NECTIN4: variants seen among roughly 807,000 people sequenced by gnomAD.
The protein encoded by NECTIN4 is nectin-4.
NECTIN4 carries 19 observed loss-of-function variants against 51.7 expected under a neutral mutation model. That is an observed-to-expected ratio of 0.37 (90% CI 0.26 to 0.54). NECTIN4 has a LOEUF of 0.54. Ranked by LOEUF, NECTIN4 falls within the 20% of genes least tolerant of loss-of-function variation. The probability of loss-of-function intolerance (pLI) is 0.86; values close to 1 mark genes in which losing one functional copy is unlikely to be tolerated. For missense variants in NECTIN4, 619 were observed against 662.4 expected, an observed-to-expected ratio of 0.93 and a Z score of 0.72; for synonymous variants, 283 against 286.9, an observed-to-expected ratio of 0.99 and a Z score of 0.14.
chr1:161,072,308 C>G lies in NECTIN4; in HGVS notation c.*353G>C. On this transcript the variant is annotated 3_prime_UTR_variant, in exon 9 of 9. Coordinates refer to ENST00000368012, the MANE Select transcript of NECTIN4 (RefSeq NM_030916.3). The stretch of plus-strand genomic sequence containing the variant: ...TGACAGTGTTGCCCACGCAACCACT[C>G]AAATCCCGTGGCACATACACCACAG... The G allele has an allele frequency of 2.5e-6, 1 of 399,234 alleles. No homozygotes were observed. The highest frequency in any genetic ancestry group is 4.8e-6 in the Non-Finnish European group (1 of 208,658). 24.7% of individuals were successfully genotyped at this position (399,234 alleles called of 1,614,324 possible).
In NECTIN4 at chr1:161,072,820, A is replaced by C; in HGVS notation, c.1374T>G (p.Thr458=). 1 of 1,614,218 alleles carries C rather than the reference A, an allele frequency of 6.2e-7. No individual in the cohort carries two copies. The highest frequency in any genetic ancestry group is 8.5e-7 in the Non-Finnish European group (1 of 1,180,048). Residue 458 remains threonine (T), a synonymous_variant, in exon 9 of 9, where the codon ACT becomes ACG. Coordinates refer to ENST00000368012, the MANE Select transcript of NECTIN4 (RefSeq NM_030916.3). ...LTTVREIETQ[T]ELLSPGSGRA... ...GCCCAGAGCCTGGAGACAGCAGTTCAGTCTGTGTTTCTATCTCCCTCACCG... is the reference window on the plus strand; with the variant it reads ...GCCCAGAGCCTGGAGACAGCAGTTCCGTCTGTGTTTCTATCTCCCTCACCG...
intron 1 of NECTIN4, among the ~76,000 whole-genome samples, chr1:161,086,581 G>T (rs1324042970): frequency 1.3e-5 from 2 of 152,218 alleles, no homozygotes. Context: ...TAGGGACTAG[G>T]ATCCTAATGG....
At chr1:161,076,935 T>G (rs1236994261) in intron 3 of NECTIN4, among the ~76,000 whole-genome samples, 1 of 152,262 alleles carries the variant, frequency 6.6e-6, no homozygotes, top group Non-Finnish European at 1.5e-5. Context: ...AATCTAGCAC[T>G]GGGAAAACAA....
Position 161,089,168 on chromosome 1 carries a change from G to A in NECTIN4, c.79+50C>T, listed in dbSNP as rs747835662. On this transcript the variant is annotated intron_variant, in intron 1 of 8. Coordinates refer to ENST00000368012, the MANE Select transcript of NECTIN4 (RefSeq NM_030916.3). The surrounding 1 kb of genome is among the most constrained non-coding windows in gnomAD (Gnocchi z 4.1). ...TATGTGTTTGTGCATGTGTGTCAGT[G>A]CCAGGTTGGGCTCAGAAGCAAGTGT... is the stretch of plus-strand genomic sequence containing the variant. 4.6e-6 allele frequency: 7 copies of A among 1,537,806 alleles called. No individual in the cohort carries two copies. The highest frequency in any genetic ancestry group is 5.4e-6 in the Non-Finnish European group (6 of 1,112,302).
chr1:161,078,314 T>C (rs76418341), intron 2 of NECTIN4, among the ~76,000 whole-genome samples: 1 of 124,434 alleles, frequency 8.0e-6, no homozygotes, highest in Admixed American at 8.0e-5. Context: ...ATTTATTTAT[T>C]TATCTACTTG....
intron 1 of NECTIN4, among the ~76,000 whole-genome samples, chr1:161,081,336 T>G: frequency 6.7e-6 from 1 of 149,220 alleles, no homozygotes; most frequent in Non-Finnish European, 1.5e-5. Context: ...GCAGCCTGGG[T>G]GCAGTAGTGC....
chr1:161,075,297 G>A (rs1653367159), intron 4 of NECTIN4, among the ~76,000 whole-genome samples: 1 of 152,220 alleles, frequency 6.6e-6, no homozygotes. Flanking sequence ...AAAGGCCAAG[G>A]ATGCCTTGAG....
Position 161,073,754 on chromosome 1 carries a change from C to T in NECTIN4, c.1199G>A (p.Arg400Lys), listed in dbSNP as rs1653290669. ...LTLTRENSIR[R>K]LHSHHTDPRS... ...GGGGTCCGTGTGATGGGAATGCAGC[C>T]TCCGGATGGAGTTCTCCCTGGTCAG... is the stretch of plus-strand genomic sequence containing the variant. Residue 400 changes from arginine to lysine, a missense_variant, in exon 7 of 9, where the codon AGG becomes AAG. Around this residue, in one of 3 missense-constraint regions of NECTIN4, gnomAD observed 364 missense variants for 415.7 expected, o/e 0.88. Coordinates refer to ENST00000368012, the MANE Select transcript of NECTIN4 (RefSeq NM_030916.3). The T allele has an allele frequency of 6.2e-7, 1 of 1,614,096 alleles. No homozygotes were observed. Among genetic ancestry groups the T allele is most frequent in the African/African-American group, 1.3e-5 (1 of 74,940 alleles).
intron 1 of NECTIN4, among the ~76,000 whole-genome samples, chr1:161,083,482 T>G (rs925704867): frequency 6.6e-6 from 1 of 152,144 alleles, no homozygotes; most frequent in African/African-American, 2.4e-5. Context: ...GAGGTCACCT[T>G]GAGGGCATGT....
At chr1:161,076,553 C>A (rs935222072) in intron 3 of NECTIN4, 78 bp from the exon 4 acceptor site, 7 of 1,582,464 alleles carry the variant, frequency 4.4e-6, no homozygotes, top group Non-Finnish European at 6.0e-6. Flanking sequence ...CCTGCCCCCA[C>A]CCCACCCTGC....
At chr1:161,074,875 C>T in intron 4 of NECTIN4, 116 bp from the exon 5 acceptor site, 1 of 1,168,784 alleles carries the variant, frequency 8.6e-7, no homozygotes. Flanking sequence ...GAGCCGCAGG[C>T]TGTTCCCACG....
intron 2 of NECTIN4, among the ~76,000 whole-genome samples, chr1:161,079,327 A>C (rs1014449467): frequency 1.3e-5 from 2 of 152,248 alleles, no homozygotes; most frequent in African/African-American, 4.8e-5. Context: ...ATATTGCCAC[A>C]GGGCAAAAGT....
chr1:161,077,478 C>A lies in NECTIN4; in HGVS notation c.705G>T (p.Arg235Ser). The change falls in exon 3 of 9, where the codon AGG becomes AGT. Residue 235 changes from arginine to serine, a missense_variant. This residue lies in a region of NECTIN4 where 364 missense variants were observed against 415.7 expected (regional missense o/e 0.88). Coordinates refer to ENST00000368012, the MANE Select transcript of NECTIN4 (RefSeq NM_030916.3). ...AGGACACGTGGAGGATGTGGGTGAT[C>A]CTTTGGTCCTGGAGCAGGCCAGGAT... ...VSHPGLLQDQ[R>S]ITHILHVSFL... The A allele has an allele frequency of 6.2e-7, 1 of 1,614,118 alleles. No individual in the cohort carries two copies. Among genetic ancestry groups the A allele is most frequent in the Non-Finnish European group, 8.5e-7 (1 of 1,180,040 alleles).
At chr1:161,085,154 A>AC (rs1187930073) in intron 1 of NECTIN4, 6 of 150,052 alleles carry the variant, frequency 4.0e-5, no homozygotes, top group Admixed American at 3.3e-4. Flanking sequence ...TCCCTCACTT[A>AC]CCCCCCATTG....
chr1:161,073,866 A>G, intron 6 of NECTIN4, 71 bp from the exon 7 acceptor site: 1 of 1,407,796 alleles, frequency 7.1e-7, no homozygotes, highest in Non-Finnish European at 1.0e-6. Flanking sequence ...ATCCTGGCTG[A>G]GCCTAGTGAG....
At position 161,071,905 on chromosome 1, in the gene NECTIN4, GA is replaced by G. The variant is rs992308753; in HGVS notation, c.*755del. 1 of 150,822 alleles carries G rather than the reference GA, an allele frequency of 6.6e-6. No homozygotes were observed. Among genetic ancestry groups the G allele is most frequent in the African/African-American group, 2.4e-5 (1 of 41,056 alleles). 9.3% of individuals were successfully genotyped at this position (150,822 alleles called of 1,614,324 possible). A position where few individuals can be genotyped will look rare whatever the true frequency, so the allele number is the denominator to read the frequency against. ...AATGGAAAGGGCAAGAAAAAAAAAA[GA>G]AAAAAATTAAAAGTGATTCGGAGCA... On this transcript the variant is annotated 3_prime_UTR_variant, in exon 9 of 9. Coordinates refer to ENST00000368012, the MANE Select transcript of NECTIN4 (RefSeq NM_030916.3).
chr1:161,074,534 T>A (rs531279150), intron 5 of NECTIN4, 77 bp downstream of exon 5: 2 of 1,591,830 alleles, frequency 1.3e-6, no homozygotes, highest in Non-Finnish European at 1.7e-6. Context: ...CAATTCACTG[T>A]CTCTGTCTTG....
chr1:161,074,709 C>T lies in NECTIN4; in HGVS notation c.902G>A (p.Gly301Asp). Residue 301 changes from glycine to aspartate, a missense_variant, in exon 5 of 9, where the codon GGC becomes GAC. Around this residue, in one of 3 missense-constraint regions of NECTIN4, gnomAD observed 364 missense variants for 415.7 expected, o/e 0.88. Transcript: ENST00000368012. Reference protein sequence around the residue: ...SGVRVDGDTLGFPPLTTEHSG... With the variant: ...SGVRVDGDTLDFPPLTTEHSG... ...GTGCTCAGTGGTCAGTGGGGGAAAGCCCAAAGTGTCCCCATCCACTCGTAC... is the reference window on the plus strand; with the variant it reads ...GTGCTCAGTGGTCAGTGGGGGAAAGTCCAAAGTGTCCCCATCCACTCGTAC... 3.1e-6 allele frequency: 5 copies of T among 1,614,192 alleles called. No homozygotes were observed. The highest frequency in any genetic ancestry group is 4.2e-6 in the Non-Finnish European group (5 of 1,180,032).
At chr1:161,080,582 G>A (rs1239296201) in intron 1 of NECTIN4, among the ~76,000 whole-genome samples, 5 of 152,112 alleles carry the variant, frequency 3.3e-5, no homozygotes, top group Non-Finnish European at 7.3e-5. Context: ...CCATGTGGGA[G>A]GAAAGGCATG....
Sources: allele counts gnomAD v4.1 joint callset (sites outside exome capture counted in the v4.1 genomes callset), GRCh38; gene constraint gnomAD v4.1.1; regional missense constraint gnomAD v4.1.1; non-coding constraint Gnocchi (gnomAD v3.1); transcripts MANE v1.5; gene names NCBI Gene and HGNC (gene_info 2026-07-23, HGNC 2026-07-21).